PDE6C: variants seen among roughly 807,000 people sequenced by gnomAD.
The protein encoded by PDE6C is cone cGMP-specific 3',5'-cyclic phosphodiesterase subunit alpha'.
A neutral mutation model predicts 113.1 loss-of-function variants in PDE6C; 75 were observed. The ratio of observed to expected loss-of-function variants is 0.66; its 90% CI spans 0.55 to 0.80. The LOEUF is 0.80. Ranked by LOEUF, PDE6C falls within the 30% of genes least tolerant of loss-of-function variation. PDE6C has a pLI of 0.00. For missense variants in PDE6C, 912 were observed against 1,038.6 expected (o/e 0.88, Z 1.67); for synonymous variants, 375 against 363.7 (o/e 1.03, Z -0.35).
intron 15 of PDE6C, among the ~76,000 whole-genome samples, chr10:93,654,810 C>CTTTTTTTTTT (rs57025205): frequency 1.3e-5 from 1 of 77,116 alleles, no homozygotes; most frequent in African/African-American, 5.2e-5. Flanking sequence ...TTCTTTCTTT[C>CTTTTTTTTTT]TTTTTTTTTT....
In PDE6C at chr10:93,665,536, G is replaced by A. The variant is rs944787491; in HGVS notation, c.*118G>A. 1 of 742,832 alleles carries A rather than the reference G, an allele frequency of 1.3e-6. No individual in the cohort carries two copies. Among genetic ancestry groups the A allele is most frequent in the African/African-American group, 1.8e-5 (1 of 56,808 alleles). 46.0% of individuals were successfully genotyped at this position (742,832 alleles called of 1,614,324 possible). On this transcript the variant is annotated 3_prime_UTR_variant, in exon 22 of 22. Coordinates refer to ENST00000371447, the MANE Select transcript of PDE6C (RefSeq NM_006204.4). Reference sequence around the variant, plus strand: ...AGGATCTTCAGAAAAACTACCCTGTGACTATGAAGAAAATATATATTGCTA... The same window carrying A: ...AGGATCTTCAGAAAAACTACCCTGTAACTATGAAGAAAATATATATTGCTA...
chr10:93,655,634 G>GAAAAAAAAAAAAA (rs2058634025), intron 15 of PDE6C, 126 bp from the exon 16 acceptor site: 2 of 527,958 alleles, frequency 3.8e-6, no homozygotes, highest in Non-Finnish European at 6.8e-6. Flanking sequence ...AAAAAGGAAG[G>GAAAAAAAAAAAAA]AAAACAAAAA....
chr10:93,627,989 C>A (rs2058482121), intron 7 of PDE6C, among the ~76,000 whole-genome samples: 1 of 152,156 alleles, frequency 6.6e-6, no homozygotes, highest in Non-Finnish European at 1.5e-5. Flanking sequence ...GGAGGGAGCC[C>A]ACTTAGATCT....
rs545763847 is a variant in PDE6C at position 93,621,563 on chromosome 10, G to A, written c.724-369G>A. 1.8e-4 allele frequency among the ~76,000 whole-genome samples: 28 copies of A among 152,256 alleles called. 1 individual carries two copies. In the East Asian group the frequency reaches 5.4e-3, roughly 29 times the overall value. The stretch of plus-strand genomic sequence containing the variant: ...ACTATCTCAGGATGCATGGAAGGAG[G>A]TATGTGGCTCTCTCCACATCAGGGC... On this transcript the variant is annotated intron_variant, in intron 3 of 21. Transcript: ENST00000371447.
chr10:93,641,137 C>A (rs2058557857), intron 14 of PDE6C, 108 bp downstream of exon 14: 5 of 710,232 alleles, frequency 7.0e-6, no homozygotes, highest in South Asian at 1.6e-5. Flanking sequence ...TGCCTCTTTG[C>A]CATGTTGGAA....
At chr10:93,617,779 AAAAG>A (rs1257167746) in intron 1 of PDE6C, among the ~76,000 whole-genome samples, 2 of 152,206 alleles carry the variant, frequency 1.3e-5, no homozygotes, top group Admixed American at 6.5e-5. Flanking sequence ...TGTCTCAAAA[AAAAG>A]AAAGAAAGAA....
chr10:93,618,087 G>A (rs2058427968), intron 1 of PDE6C, among the ~76,000 whole-genome samples: 1 of 152,128 alleles, frequency 6.6e-6, no homozygotes, highest in Admixed American at 6.5e-5. Context: ...CTGGCCTTCT[G>A]GAGGAAGGGT....
chr10:93,613,350 T>C (rs1006554003), intron 1 of PDE6C, 145 bp downstream of exon 1: 2 of 1,105,148 alleles, frequency 1.8e-6, no homozygotes, highest in African/African-American at 3.1e-5. Flanking sequence ...CACCCAGGCC[T>C]AGTGTTGCCA....
chr10:93,616,144 C>T (rs767617014), intron 1 of PDE6C, among the ~76,000 whole-genome samples: 3 of 152,190 alleles, frequency 2.0e-5, no homozygotes, highest in African/African-American at 4.8e-5. Flanking sequence ...TTATTTCCAG[C>T]CTGTGTAGTA....
chr10:93,632,434 G>A lies in PDE6C; in HGVS notation c.1120-2324G>A, dbSNP rs80057419. 8.4e-3 allele frequency among the ~76,000 whole-genome samples: 1,276 copies of A among 152,294 alleles called. 26 individuals carry two copies. Among genetic ancestry groups the A allele is most frequent in the African/African-American group, 0.029 (1,192 of 41,544 alleles). ...ATTAAAGTGGTCCTAATTCACAGGA[G>A]GAAAAGTGTATAGAATTTCCTCAGT... On this transcript the variant is annotated intron_variant, in intron 8 of 21. Transcript: ENST00000371447.
At position 93,640,550 on chromosome 10, in the gene PDE6C, T is replaced by A. The variant is rs1383843538; in HGVS notation, c.1730T>A (p.Leu577Ter). 1 of 1,608,096 alleles carries A rather than the reference T, an allele frequency of 6.2e-7. No homozygotes were observed. Among genetic ancestry groups the A allele is most frequent in the Non-Finnish European group, 8.5e-7 (1 of 1,174,630 alleles). Residue 577 changes from leucine (L) to a stop codon, truncating the protein, a stop_gained, in exon 13 of 22, where the codon TTG (leucine) becomes TAG (stop). Transcript: ENST00000371447. LOFTEE classifies it high-confidence loss of function. ...AACGTGGGGCAGACCATGTTTACTTTGCTGATGGTAGGTACAGAGGGCTGT... is the reference window on the plus strand; with the variant it reads ...AACGTGGGGCAGACCATGTTTACTTAGCTGATGGTAGGTACAGAGGGCTGT... ...GFNVGQTMFTLLMTGRLKKYY... is the reference protein window; with the variant it reads ...GFNVGQTMFT
At chr10:93,648,006 G>A (rs2058592411) in intron 15 of PDE6C, among the ~76,000 whole-genome samples, 1 of 152,146 alleles carries the variant, frequency 6.6e-6, no homozygotes, top group South Asian at 2.1e-4. Context: ...CAGTGAGGTA[G>A]CATCAAATGT....
At chr10:93,652,280 G>A (rs1473529663) in intron 15 of PDE6C, among the ~76,000 whole-genome samples, 2 of 152,074 alleles carry the variant, frequency 1.3e-5, no homozygotes, top group Non-Finnish European at 2.9e-5. Context: ...TACAAAAACT[G>A]GAATGGGATC....
At chr10:93,655,670 G>T in intron 15 of PDE6C, 90 bp from the exon 16 acceptor site, 29 of 541,948 alleles carry the variant, frequency 5.4e-5, no homozygotes, top group East Asian at 7.4e-5. Flanking sequence ...AGTGTTGAAA[G>T]ACTTTTAGAT....
chr10:93,665,337 ATTGCTT>A lies in PDE6C; in HGVS notation c.2519-21_2519-16del. On this transcript the variant is annotated splice_polypyrimidine_tract_variant and intron_variant, in intron 21 of 21. Transcript: ENST00000371447. The stretch of plus-strand genomic sequence containing the variant: ...TGTATATCCACTAACTCCTAATAAT[ATTGCTT>A]TCCTTGATTTTACTAGCTGCTGAAG... 6.3e-7 allele frequency: 1 copy of A among 1,581,580 alleles called. No homozygotes were observed. Among genetic ancestry groups the A allele is most frequent in the African/African-American group, 1.3e-5 (1 of 74,398 alleles).
intron 16 of PDE6C, 84 bp from the exon 17 acceptor site, chr10:93,658,817 T>C: frequency 1.2e-6 from 1 of 843,040 alleles, no homozygotes; most frequent in Non-Finnish European, 2.0e-6. Context: ...AGTGGGAACG[T>C]GAAATCTGAA....
intron 18 of PDE6C, among the ~76,000 whole-genome samples, chr10:93,661,071 T>C (rs528339366): frequency 6.6e-6 from 1 of 152,340 alleles, no homozygotes; most frequent in South Asian, 2.1e-4. Context: ...AAAGCTACTT[T>C]AGCTTTCATC....
At chr10:93,633,941 C>T (rs1025885085) in intron 8 of PDE6C, among the ~76,000 whole-genome samples, 1 of 152,078 alleles carries the variant, frequency 6.6e-6, no homozygotes, top group East Asian at 1.9e-4. Context: ...ATTGGATGTG[C>T]TAGAGTACAT....
chr10:93,651,378 G>T (rs2058609132), intron 15 of PDE6C, among the ~76,000 whole-genome samples: 1 of 152,186 alleles, frequency 6.6e-6, no homozygotes, highest in Non-Finnish European at 1.5e-5. Context: ...CACTGCTGGG[G>T]AGGCCTCAGG....
Sources: gnomAD v4.1 joint callset for allele counts (sites outside exome capture counted in the v4.1 genomes callset) on GRCh38, gnomAD v4.1.1 for gene constraint, MANE v1.5 for transcripts, NCBI Gene and HGNC (gene_info 2026-07-23, HGNC 2026-07-21) for gene names.